SLC5A12: variants seen among roughly 807,000 people sequenced by gnomAD.
SLC5A12 encodes solute carrier family 5 member 12, also known as sodium-coupled monocarboxylate transporter 2.
SLC5A12 carries 46 observed loss-of-function variants against 72.7 expected under a neutral mutation model. The ratio of observed to expected loss-of-function variants is 0.63; its 90% CI spans 0.50 to 0.81. The LOEUF (loss-of-function observed/expected upper bound fraction) is 0.81. Among genes scored for constraint, SLC5A12 ranks in the 30% least tolerant of loss-of-function variants. The probability of loss-of-function intolerance (pLI) is 0.00; values close to 1 mark genes in which losing one functional copy is unlikely to be tolerated. For synonymous variants in SLC5A12, 275 were observed against 264.4 expected (o/e 1.04, Z -0.39); for missense variants, 683 against 740.7 (o/e 0.92, Z 0.90).
At chr11:26,708,143 T>C (rs1034061438) in intron 4 of SLC5A12, among the ~76,000 whole-genome samples, 2 of 152,214 alleles carry the variant, frequency 1.3e-5, no homozygotes, top group Middle Eastern at 3.4e-3. Flanking sequence ...TGTTTTATAT[T>C]ATTTTGTTAC....
At chr11:26,695,585 A>C (rs1854790143) in intron 8 of SLC5A12, among the ~76,000 whole-genome samples, 2 of 152,192 alleles carry the variant, frequency 1.3e-5, no homozygotes, top group Admixed American at 6.5e-5. Flanking sequence ...CGTGGTCAAA[A>C]ATGTCATTAA....
intron 14 of SLC5A12, among the ~76,000 whole-genome samples, chr11:26,672,682 A>G (rs1311285231): frequency 6.6e-6 from 1 of 152,152 alleles, no homozygotes; most frequent in Non-Finnish European, 1.5e-5. Context: ...GCATCAAGTC[A>G]GTAAGTCCAA....
Position 26,672,697 on chromosome 11 carries a change from G to A in SLC5A12, c.1707+705C>T, listed in dbSNP as rs1854171389. On this transcript the variant is annotated intron_variant, in intron 14 of 14. Coordinates refer to ENST00000396005, the MANE Select transcript of SLC5A12 (RefSeq NM_178498.4). The stretch of plus-strand genomic sequence containing the variant: ...GCATCAAGTCAGTAAGTCCAATTTT[G>A]TCTAACTACAGGCTCTTTCTGGTGG... Among the ~76,000 whole-genome samples, 2 of 152,020 alleles carry A rather than the reference G, an allele frequency of 1.3e-5. 1 individual carries two copies. The highest frequency in any genetic ancestry group is 4.2e-4 in the South Asian group (2 of 4,814).
intron 9 of SLC5A12, among the ~76,000 whole-genome samples, chr11:26,690,165 AGTG>A (rs1440814126): frequency 6.6e-6 from 1 of 152,106 alleles, no homozygotes; most frequent in Non-Finnish European, 1.5e-5. Flanking sequence ...TGGGATGGGG[AGTG>A]GTGGTGGTGG....
At chr11:26,678,907 A>C in intron 12 of SLC5A12, 92 bp from the exon 13 acceptor site, 1 of 685,722 alleles carries the variant, frequency 1.5e-6, no homozygotes, top group Non-Finnish European at 2.4e-6. Context: ...AGGGCCTGGC[A>C]TCTCAAAAGC....
chr11:26,680,318 T>TATATATATTC (rs1454324577), intron 12 of SLC5A12, among the ~76,000 whole-genome samples: 1 of 107,066 alleles, frequency 9.3e-6, no homozygotes, highest in Non-Finnish European at 1.9e-5. Context: ...TATATATATG[T>TATATATATTC]ATATATATTC....
At chr11:26,687,646 T>C (rs939975160) in intron 9 of SLC5A12, among the ~76,000 whole-genome samples, 1 of 152,214 alleles carries the variant, frequency 6.6e-6, no homozygotes, top group Non-Finnish European at 1.5e-5. Context: ...ATTTATCATT[T>C]TTATTATTTT....
chr11:26,690,977 A>G (rs937825079), intron 9 of SLC5A12, among the ~76,000 whole-genome samples: 3 of 151,994 alleles, frequency 2.0e-5, no homozygotes, highest in African/African-American at 7.2e-5. Context: ...TTGATCAAAC[A>G]TAAAATTAAA....
chr11:26,712,659 G>T lies in SLC5A12; in HGVS notation c.387C>A (p.Val129=). The T allele has an allele frequency of 6.3e-7, 1 of 1,589,190 alleles. No individual in the cohort carries two copies. Among genetic ancestry groups the T allele is most frequent in the South Asian group, 1.1e-5 (1 of 88,378 alleles). ...CACTTACCGTCTGTACAATGTAGAT[G>T]ACCGTGGCAGCATAGCGAACTGGTT... ...FNKPVRYAAT[V]IYIVQTILYT... Residue 129 remains valine (V), a synonymous_variant, in exon 2 of 15, where the codon GTC becomes GTA. Coordinates refer to ENST00000396005, the MANE Select transcript of SLC5A12 (RefSeq NM_178498.4).
At chr11:26,722,408 A>G (rs894414129), upstream of SLC5A12, among the ~76,000 whole-genome samples, 1 of 152,172 alleles carries the variant, frequency 6.6e-6, no homozygotes, top group African/African-American at 2.4e-5. Flanking sequence ...CACAGGGATA[A>G]TAAGACCTTA....
At chr11:26,673,598 T>G in intron 13 of SLC5A12, 69 bp from the exon 14 acceptor site, 49 of 1,440,638 alleles carry the variant, frequency 3.4e-5, no homozygotes, top group Non-Finnish European at 4.3e-5. Flanking sequence ...GATTTAAACA[T>G]TGTCAACTTG....
At chr11:26,709,468 T>C in intron 3 of SLC5A12, 89 bp from the exon 4 acceptor site, 2 of 986,552 alleles carry the variant, frequency 2.0e-6, no homozygotes, top group South Asian at 1.5e-5. Flanking sequence ...AATATTTTTA[T>C]CAGTGTTCTT....
chr11:26,697,359 G>C (rs1854846480), intron 7 of SLC5A12, 107 bp from the exon 8 acceptor site: 1 of 921,362 alleles, frequency 1.1e-6, no homozygotes, highest in African/African-American at 1.7e-5. Flanking sequence ...ATCAGTGTTT[G>C]AAATGTGGGA....
chr11:26,680,696 C>T (rs1854390559), intron 12 of SLC5A12, among the ~76,000 whole-genome samples: 1 of 151,952 alleles, frequency 6.6e-6, no homozygotes, highest in African/African-American at 2.4e-5. Context: ...CTCAGCTTGC[C>T]CATAAGCATT....
chr11:26,691,146 A>AT (rs1451336067), intron 9 of SLC5A12, among the ~76,000 whole-genome samples: 4 of 152,048 alleles, frequency 2.6e-5, no homozygotes, highest in Admixed American at 6.6e-5. Context: ...AGCAAAAATA[A>AT]TTTTTTACAA....
chr11:26,692,309 A>G (rs975854108), intron 9 of SLC5A12, 180 bp downstream of exon 9: 9 of 586,364 alleles, frequency 1.5e-5, no homozygotes, highest in Non-Finnish European at 2.8e-5. Flanking sequence ...CTAGCTAGTC[A>G]TTCTTTCCTG....
chr11:26,675,868 A>G (rs1854252839), intron 13 of SLC5A12, among the ~76,000 whole-genome samples: 1 of 152,098 alleles, frequency 6.6e-6, no homozygotes, highest in South Asian at 2.1e-4. Context: ...AAAGGGCATA[A>G]AATTTCAGAA....
intron 13 of SLC5A12, among the ~76,000 whole-genome samples, chr11:26,675,276 G>A (rs1854239936): frequency 6.6e-6 from 1 of 152,154 alleles, no homozygotes; most frequent in South Asian, 2.1e-4. Context: ...TTTAGATTCT[G>A]TTTTCTTCTA....
chr11:26,671,047 T>TTGTGTGTC lies in SLC5A12; in HGVS notation c.*54_*55insGACACACA. On this transcript the variant is annotated 3_prime_UTR_variant, in exon 15 of 15. Coordinates refer to ENST00000396005, the MANE Select transcript of SLC5A12 (RefSeq NM_178498.4). ...CAAGTAGGCAAGAAGTATGTGGAGT[T>TTGTGTGTC]TGTGTGTGTGTGTGTGTATTGCACG... 1 of 1,354,116 alleles carries TTGTGTGTC rather than the reference T, an allele frequency of 7.4e-7. No individual in the cohort carries two copies. Among genetic ancestry groups the TTGTGTGTC allele is most frequent in the Non-Finnish European group, 1.0e-6 (1 of 991,516 alleles). The allele number at this position is 1,354,116 out of a possible 1,614,324, so 83.9% of individuals were successfully genotyped here.
Sources: allele counts gnomAD v4.1 joint callset (sites outside exome capture counted in the v4.1 genomes callset), GRCh38; gene constraint gnomAD v4.1.1; transcripts MANE v1.5; gene names NCBI Gene and HGNC (gene_info 2026-07-23, HGNC 2026-07-21).